The following SLC2A9 variants were observed in gnomAD, a reference collection of about 807,000 sequenced individuals.
SLC2A9 encodes solute carrier family 2 member 9, also known as solute carrier family 2, facilitated glucose transporter member 9.
A neutral mutation model predicts 50.6 loss-of-function variants in SLC2A9; 39 were observed. The ratio of observed to expected loss-of-function variants is 0.77; its 90% CI spans 0.60 to 1.01. The LOEUF (loss-of-function observed/expected upper bound fraction) is 1.01, where lower values mean the gene tolerates loss of function less well. SLC2A9 is among the 50% of genes least tolerant of loss of function. The pLI is 0.00. For synonymous variants in SLC2A9, 324 were observed against 276.9 expected (o/e 1.17, Z -1.69); for missense variants, 686 against 677.6 (o/e 1.01, Z -0.14).
chr4:9,940,986 A>G (rs1748019404), intron 6 of SLC2A9, among the ~76,000 whole-genome samples: 1 of 152,198 alleles, frequency 6.6e-6, no homozygotes, highest in Admixed American at 6.5e-5. Flanking sequence ...CAATGGCCCC[A>G]TGAGGGAAGT....
intron 5 of SLC2A9, among the ~76,000 whole-genome samples, chr4:9,942,339 G>T (rs1006070382): frequency 2.0e-5 from 3 of 152,192 alleles, no homozygotes; most frequent in African/African-American, 7.2e-5. Context: ...AGGGCTGCTT[G>T]ACCCCACTCC....
intron 5 of SLC2A9, among the ~76,000 whole-genome samples, chr4:9,977,408 G>C (rs1754975083): frequency 2.0e-5 from 3 of 152,040 alleles, no homozygotes; most frequent in African/African-American, 7.3e-5. Flanking sequence ...GAAACAGTAG[G>C]AGATGCCCTT....
downstream of SLC2A9, among the ~76,000 whole-genome samples, chr4:9,794,292 T>C (rs1259770294): frequency 6.6e-6 from 1 of 152,148 alleles, no homozygotes; most frequent in Admixed American, 6.5e-5. Context: ...GTAGCTGGGA[T>C]TACAGGCACC....
At chr4:9,858,612 T>C (rs1731112352) in intron 10 of SLC2A9, among the ~76,000 whole-genome samples, 1 of 152,136 alleles carries the variant, frequency 6.6e-6, no homozygotes, top group Admixed American at 6.5e-5. Flanking sequence ...TCAGGCATAA[T>C]CTGAGAGTGT....
intron 10 of SLC2A9, among the ~76,000 whole-genome samples, chr4:9,886,797 T>A (rs1407384361): frequency 6.6e-6 from 1 of 152,170 alleles, no homozygotes; most frequent in African/African-American, 2.4e-5. Context: ...CAGTCTGACC[T>A]TGGACTCTGC....
At chr4:9,791,016 T>C (rs1188372598) in intron 3 of SLC2A9, among the ~76,000 whole-genome samples, 1 of 152,234 alleles carries the variant, frequency 6.6e-6, no homozygotes. Flanking sequence ...GTCTTTGTGG[T>C]TGATGGTCTA....
At chr4:9,972,378 A>T (rs903837389) in intron 5 of SLC2A9, among the ~76,000 whole-genome samples, 8 of 129,438 alleles carry the variant, frequency 6.2e-5, no homozygotes, top group East Asian at 1.3e-3. Context: ...GATTTGTTTT[A>T]AAAAAAATAT....
chr4:9,982,921 G>A (rs568469615), intron 4 of SLC2A9, among the ~76,000 whole-genome samples: 11 of 152,306 alleles, frequency 7.2e-5, no homozygotes, highest in African/African-American at 2.6e-4. Flanking sequence ...CCAGACGGGA[G>A]TGCAATGGGT....
chr4:9,913,538 A>G (rs1742282230), intron 7 of SLC2A9, among the ~76,000 whole-genome samples: 1 of 152,156 alleles, frequency 6.6e-6, no homozygotes, highest in Non-Finnish European at 1.5e-5. Flanking sequence ...TGCCTCACCT[A>G]CTGTTTCCAG....
intron 10 of SLC2A9, among the ~76,000 whole-genome samples, chr4:9,875,341 A>C (rs1331148060): frequency 6.8e-6 from 1 of 146,918 alleles, no homozygotes; most frequent in Admixed American, 6.7e-5. Flanking sequence ...CTCTCTGTCT[A>C]AGATGGGATG....
At chr4:9,885,649 C>A (rs1736071591) in intron 10 of SLC2A9, among the ~76,000 whole-genome samples, 1 of 152,198 alleles carries the variant, frequency 6.6e-6, no homozygotes, top group Non-Finnish European at 1.5e-5. Context: ...ATGTCTTCAG[C>A]ACAGTTCTAG....
At chr4:9,909,704 T>C (rs1442673734) in intron 7 of SLC2A9, among the ~76,000 whole-genome samples, 7 of 152,266 alleles carry the variant, frequency 4.6e-5, no homozygotes, top group Non-Finnish European at 1.0e-4. Context: ...ACACAAATGA[T>C]GTCTGGGTTC....
intron 11 of SLC2A9, among the ~76,000 whole-genome samples, chr4:9,833,379 T>C (rs1446316265): frequency 1.3e-5 from 2 of 151,996 alleles, no homozygotes; most frequent in Non-Finnish European, 2.9e-5. Context: ...AAGTGATGGA[T>C]GGAGAGGGAA....
At chr4:10,007,179 T>G (rs1217594695) in intron 2 of SLC2A9, among the ~76,000 whole-genome samples, 1 of 152,172 alleles carries the variant, frequency 6.6e-6, no homozygotes, top group Non-Finnish European at 1.5e-5. Flanking sequence ...TACCTGAAGG[T>G]GGTGTTGGGT....
intron 6 of SLC2A9, among the ~76,000 whole-genome samples, chr4:9,922,188 G>A (rs1744063359): frequency 6.6e-6 from 1 of 152,120 alleles, no homozygotes; most frequent in African/African-American, 2.4e-5. Flanking sequence ...CATTGCTACT[G>A]TGAACAGTGC....
At chr4:9,774,191 G>T (rs1268675020) in intron 1 of SLC2A9, among the ~76,000 whole-genome samples, 2 of 151,846 alleles carry the variant, frequency 1.3e-5, no homozygotes, top group African/African-American at 2.4e-5. Flanking sequence ...ATGGGGTTTT[G>T]CCATGTTGGT....
intron 3 of SLC2A9, chr4:9,799,374 G>T (rs1406029179): frequency 3.3e-5 from 5 of 152,238 alleles, no homozygotes; most frequent in Non-Finnish European, 7.3e-5. Context: ...GTGTCTTGGT[G>T]AGGGCTTGCT....
upstream of SLC2A9, chr4:10,025,758 A>G (rs1763728684): frequency 2.8e-6 from 2 of 712,860 alleles, no homozygotes; most frequent in Middle Eastern, 2.5e-4. Context: ...GCTCCTTCCC[A>G]TAGAACTTGG....
chr4:9,898,490 T>C lies in SLC2A9; in HGVS notation c.1114-7779A>G, dbSNP rs372648293. On this transcript the variant is annotated intron_variant, in intron 8 of 11. Transcript: ENST00000264784. ...TTGTCTATATTGTATTCAATGTGTATATCTCTCTATATAAACTGCATGCGG... is the reference window on the plus strand; with the variant it reads ...TTGTCTATATTGTATTCAATGTGTACATCTCTCTATATAAACTGCATGCGG... Among the ~76,000 whole-genome samples, 49 of 152,300 alleles carry C rather than the reference T, an allele frequency of 3.2e-4. 1 individual carries two copies. The South Asian group carries it at 9.7e-3, about 30-fold the overall frequency.
Sources: gnomAD v4.1 joint callset for allele counts (sites outside exome capture counted in the v4.1 genomes callset) on GRCh38, gnomAD v4.1.1 for gene constraint, MANE v1.5 for transcripts, NCBI Gene and HGNC (gene_info 2026-07-23, HGNC 2026-07-21) for gene names.